DLGAP2: variants seen among roughly 807,000 people sequenced by gnomAD.
DLGAP2 encodes the protein DLG associated protein 2.
A neutral mutation model predicts 100.3 loss-of-function variants in DLGAP2; 26 were observed. The ratio of observed to expected loss-of-function variants is 0.26; its 90% CI spans 0.19 to 0.36. DLGAP2 has a LOEUF of 0.36. DLGAP2 is among the 10% of genes least tolerant of loss of function. The probability of loss-of-function intolerance (pLI) is 1.00; values close to 1 mark genes in which losing one functional copy is unlikely to be tolerated. For missense variants in DLGAP2, 1,858 were observed against 1,453.2 expected, an observed-to-expected ratio of 1.28 and a Z score of -4.53; for synonymous variants, 886 against 630.1, an observed-to-expected ratio of 1.41 and a Z score of -6.08.
chr8:1,094,658 T>A (rs191582843), intron 2 of DLGAP2, among the ~76,000 whole-genome samples: 83 of 152,300 alleles, frequency 5.4e-4, no homozygotes, highest in African/African-American at 2.0e-3. Context: ...CCCGAAGCCC[T>A]CAAAATGCCC....
rs565000445 is a variant in DLGAP2 at position 1,283,399 on chromosome 8, G to A, written c.106+24516G>A. Among the ~76,000 whole-genome samples, 99 of 152,298 alleles carry A rather than the reference G, an allele frequency of 6.5e-4. No individual in the cohort carries two copies. In the South Asian group the frequency reaches 9.7e-3, roughly 15 times the overall value. On this transcript the variant is annotated intron_variant, in intron 3 of 14. Transcript: ENST00000637795. ...CCCAGACCTTCCACATTCATAAAAG[G>A]CACGTGTCTTTGGGTATCATATGTT...
chr8:1,269,770 A>C (rs1017741337), intron 3 of DLGAP2, among the ~76,000 whole-genome samples: 1 of 152,168 alleles, frequency 6.6e-6, no homozygotes, highest in African/African-American at 2.4e-5. Context: ...TAAGCAAAAA[A>C]GGCTGGCGAG....
At chr8:1,348,923 C>T (rs1801637178) in intron 3 of DLGAP2, among the ~76,000 whole-genome samples, 1 of 152,060 alleles carries the variant, frequency 6.6e-6, no homozygotes, top group Non-Finnish European at 1.5e-5. Flanking sequence ...TTGGATGTGA[C>T]CTGGATTATA....
At chr8:1,053,463 G>C (rs1456282457) in intron 2 of DLGAP2, among the ~76,000 whole-genome samples, 1 of 152,132 alleles carries the variant, frequency 6.6e-6, no homozygotes, top group African/African-American at 2.4e-5. Flanking sequence ...GTCCCAGTCA[G>C]CTCCGTCATC....
intron 3 of DLGAP2, among the ~76,000 whole-genome samples, chr8:1,349,191 C>T (rs4993900): frequency 0.37 from 54,764 of 148,846 alleles, 10,523 homozygotes; most frequent in East Asian, 0.49. Flanking sequence ...ACAGCTGTGT[C>T]GTACGCTCAC....
intron 3 of DLGAP2, among the ~76,000 whole-genome samples, chr8:1,284,737 G>C (rs988928018): frequency 1.3e-5 from 2 of 152,140 alleles, no homozygotes; most frequent in South Asian, 2.1e-4. Context: ...TCAGCCTCCC[G>C]AGTAGCTGGG....
chr8:1,249,656 TCA>T (rs1200829611), intron 2 of DLGAP2, among the ~76,000 whole-genome samples: 1 of 152,196 alleles, frequency 6.6e-6, no homozygotes, highest in African/African-American at 2.4e-5. Context: ...AGCTGATTAT[TCA>T]CACACAGCTG....
chr8:1,521,759 C>T lies in DLGAP2; in HGVS notation c.172+20328C>T, dbSNP rs1489989848. Among the ~76,000 whole-genome samples, 4 of 86,772 alleles carry T rather than the reference C, an allele frequency of 4.6e-5. No homozygotes were observed. In the Admixed American group the frequency reaches 5.1e-4, roughly 11 times the overall value. The allele number at this position is 86,772 out of a possible 152,430, so 56.9% of individuals were successfully genotyped here. On this transcript the variant is annotated intron_variant, in intron 4 of 14. Coordinates refer to ENST00000637795, the MANE Select transcript of DLGAP2 (RefSeq NM_001346810.2). ...GCTGATATGGGGCGTCTCTGGTTTG[C>T]ACACTTGTTTTAATTTGGAATACTC...
intron 2 of DLGAP2, among the ~76,000 whole-genome samples, chr8:1,081,597 T>C (rs1048764854): frequency 2.0e-5 from 3 of 152,194 alleles, no homozygotes; most frequent in Admixed American, 1.3e-4. Context: ...GTGATCCTCC[T>C]GCCTTGGCCT....
intron 3 of DLGAP2, among the ~76,000 whole-genome samples, chr8:1,437,143 G>A (rs1181376054): frequency 1.3e-5 from 2 of 150,272 alleles, no homozygotes; most frequent in South Asian, 2.2e-4. Flanking sequence ...GACGCCATCC[G>A]GGTCTGCGTT....
intron 8 of DLGAP2, among the ~76,000 whole-genome samples, chr8:1,665,426 G>A (rs140885995): frequency 3.9e-5 from 6 of 152,182 alleles, no homozygotes; most frequent in Non-Finnish European, 7.3e-5. Context: ...TGGTTATGAC[G>A]CTTGATATGT....
rs752675945 is a variant in DLGAP2 at position 1,705,870 on chromosome 8, T to G, written c.*4464T>G. On this transcript the variant is annotated 3_prime_UTR_variant, in exon 15 of 15. Coordinates refer to ENST00000637795, the MANE Select transcript of DLGAP2 (RefSeq NM_001346810.2). The stretch of plus-strand genomic sequence containing the variant: ...GGGTTGAATACAAGTTTCCAAAACT[T>G]TAAAATAGAAAACCACGAGCTTAAG... 1 of 152,128 alleles carries G rather than the reference T, an allele frequency of 6.6e-6. No individual in the cohort carries two copies. Among genetic ancestry groups the G allele is most frequent in the Non-Finnish European group, 1.5e-5 (1 of 68,028 alleles). 9.4% of individuals were successfully genotyped at this position (152,128 alleles called of 1,614,324 possible).
chr8:1,407,785 T>A (rs1243350068), intron 3 of DLGAP2, among the ~76,000 whole-genome samples: 14 of 148,214 alleles, frequency 9.4e-5, no homozygotes, highest in Non-Finnish European at 1.9e-4. Flanking sequence ...GAGCGCCACC[T>A]CCTCATCCTC....
intron 2 of DLGAP2, among the ~76,000 whole-genome samples, chr8:1,046,508 A>G (rs1338545703): frequency 6.6e-6 from 1 of 152,188 alleles, no homozygotes; most frequent in Non-Finnish European, 1.5e-5. Flanking sequence ...GATATTAAAG[A>G]GAGACATTAA....
At chr8:938,760 C>G (rs1039124750) in intron 2 of DLGAP2, among the ~76,000 whole-genome samples, 1 of 152,178 alleles carries the variant, frequency 6.6e-6, no homozygotes, top group African/African-American at 2.4e-5. Flanking sequence ...GCCAATGTTT[C>G]AGCCCTGTGT....
At chr8:1,695,260 A>G (rs1799357084) in intron 13 of DLGAP2, among the ~76,000 whole-genome samples, 1 of 150,264 alleles carries the variant, frequency 6.7e-6, no homozygotes, top group Admixed American at 6.6e-5. Flanking sequence ...AACAGGGGGC[A>G]CAGCCATGCC....
intron 4 of DLGAP2, among the ~76,000 whole-genome samples, chr8:1,534,454 C>T (rs1001505004): frequency 6.6e-6 from 1 of 152,150 alleles, no homozygotes; most frequent in Non-Finnish European, 1.5e-5. Context: ...TAATCAAGGG[C>T]AATTAAGTTG....
At chr8:967,308 A>C (rs574122973) in intron 2 of DLGAP2, among the ~76,000 whole-genome samples, 1 of 152,232 alleles carries the variant, frequency 6.6e-6, no homozygotes, top group Non-Finnish European at 1.5e-5. Flanking sequence ...GCTTAAGCGC[A>C]TATCCCTTTC....
intron 3 of DLGAP2, among the ~76,000 whole-genome samples, chr8:1,298,816 C>T (rs373063766): frequency 6.6e-5 from 10 of 152,310 alleles, no homozygotes; most frequent in South Asian, 2.1e-4. Context: ...TAACGCTGGC[C>T]GTGGCAGCTC....
Sources: gnomAD v4.1 joint callset for allele counts (sites outside exome capture counted in the v4.1 genomes callset) on GRCh38, gnomAD v4.1.1 for gene constraint, MANE v1.5 for transcripts, NCBI Gene and HGNC (gene_info 2026-07-23, HGNC 2026-07-21) for gene names.